The following AP3B1 variants were observed in gnomAD, a reference collection of about 807,000 sequenced individuals.
AP3B1 encodes the protein adaptor related protein complex 3 subunit beta 1, also known as AP-3 complex subunit beta-1.
In AP3B1, 61 loss-of-function variants were observed where a neutral mutation model predicts 132.5. The ratio of observed to expected loss-of-function variants is 0.46; its 90% CI spans 0.37 to 0.57. The LOEUF is 0.57. Ranked by LOEUF, AP3B1 falls within the 20% of genes least tolerant of loss-of-function variation. The pLI is 0.00. For synonymous variants in AP3B1, 388 were observed against 438.3 expected, an observed-to-expected ratio of 0.89 and a Z score of 1.43; for missense variants, 1,120 against 1,289.4, an observed-to-expected ratio of 0.87 and a Z score of 2.01.
rs1178456680 is a variant in AP3B1, at chr5:78,034,327, G to T, written c.2894+34C>A. On this transcript the variant is annotated intron_variant, in intron 24 of 26. Transcript: ENST00000255194. ...GTTTTTGATCTGCTATCCTTTACAG[G>T]TTATATAAAAAATAGAAGAACAATT... 5 of 1,506,602 alleles carry T rather than the reference G, an allele frequency of 3.3e-6. No homozygotes were observed. The South Asian group carries it at 3.4e-5, about 10-fold the overall frequency. 93.3% of individuals were successfully genotyped at this position (1,506,602 alleles called of 1,614,324 possible).
chr5:78,101,378 A>G (rs1172658802), intron 20 of AP3B1: 1 of 444,666 alleles, frequency 2.2e-6, no homozygotes, highest in Admixed American at 2.6e-5. Context: ...AATAACTTTT[A>G]AACAGGTTTA....
At chr5:78,289,297 T>C (rs1262586501) in intron 1 of AP3B1, among the ~76,000 whole-genome samples, 1 of 152,216 alleles carries the variant, frequency 6.6e-6, no homozygotes, top group Non-Finnish European at 1.5e-5. Context: ...AGGTTAAGAA[T>C]GAATGTAATA....
intron 13 of AP3B1, among the ~76,000 whole-genome samples, chr5:78,160,022 T>C (rs1743323054): frequency 6.6e-6 from 1 of 152,220 alleles, no homozygotes; most frequent in African/African-American, 2.4e-5. Flanking sequence ...TCAGGATAGC[T>C]GTAACATTCT....
intron 21 of AP3B1, among the ~76,000 whole-genome samples, chr5:78,095,535 T>A (rs1385801538): frequency 6.6e-6 from 1 of 152,184 alleles, no homozygotes; most frequent in African/African-American, 2.4e-5. Flanking sequence ...AGATCATGGT[T>A]CCTTCACAAG....
At chr5:78,123,602 C>T (rs1440105332) in intron 17 of AP3B1, among the ~76,000 whole-genome samples, 2 of 152,160 alleles carry the variant, frequency 1.3e-5, no homozygotes, top group Non-Finnish European at 2.9e-5. Flanking sequence ...AAAAAATGCT[C>T]GTCATCACTG....
rs1392110945 is a variant in AP3B1 at position 78,236,248 on chromosome 5, T to C, written c.279+4614A>G. ...ACAGTTCTGAAGGAACAATAATTGG[T>C]ATGGAATTTTCTGTTTACAACAAGA... On this transcript the variant is annotated intron_variant, in intron 3 of 26. Coordinates refer to ENST00000255194, the MANE Select transcript of AP3B1 (RefSeq NM_003664.5). Among the ~76,000 whole-genome samples the C allele has an allele frequency of 3.3e-5, 5 of 152,216 alleles. No homozygotes were observed. The East Asian group carries it at 7.7e-4, about 24-fold the overall frequency.
At chr5:78,266,424 A>G (rs938840428) in intron 2 of AP3B1, among the ~76,000 whole-genome samples, 1 of 152,160 alleles carries the variant, frequency 6.6e-6, no homozygotes, top group Non-Finnish European at 1.5e-5. Flanking sequence ...TACAGATACA[A>G]TTAGTACTTG....
intron 18 of AP3B1, among the ~76,000 whole-genome samples, chr5:78,114,255 C>T (rs184525917): frequency 7.9e-5 from 12 of 152,110 alleles, no homozygotes; most frequent in African/African-American, 2.2e-4. Flanking sequence ...TAAAGAATTA[C>T]GTAAGGATTG....
intron 17 of AP3B1, 59 bp from the exon 18 acceptor site, chr5:78,116,293 G>T: frequency 6.9e-7 from 1 of 1,444,820 alleles, no homozygotes; most frequent in Non-Finnish European, 9.7e-7. Flanking sequence ...TAGAGTTCTG[G>T]CAAACTTAAT....
At chr5:78,236,272 G>A (rs1012706220) in intron 3 of AP3B1, among the ~76,000 whole-genome samples, 2 of 151,968 alleles carry the variant, frequency 1.3e-5, no homozygotes, top group African/African-American at 4.8e-5. Flanking sequence ...TTTACAACAA[G>A]AACTAGAAGT....
At chr5:78,149,215 T>A (rs1753542650) in intron 14 of AP3B1, among the ~76,000 whole-genome samples, 1 of 152,128 alleles carries the variant, frequency 6.6e-6, no homozygotes, top group African/African-American at 2.4e-5. Flanking sequence ...TTAAATAAAG[T>A]GAAATTTTTA....
intron 24 of AP3B1, among the ~76,000 whole-genome samples, chr5:78,033,927 A>G (rs1747689058): frequency 6.6e-6 from 1 of 152,006 alleles, no homozygotes; most frequent in Non-Finnish European, 1.5e-5. Flanking sequence ...GATGGCATCA[A>G]TAATATTCCA....
At chr5:78,088,131 C>G (rs949984312) in intron 22 of AP3B1, among the ~76,000 whole-genome samples, 2 of 152,188 alleles carry the variant, frequency 1.3e-5, no homozygotes, top group Non-Finnish European at 2.9e-5. Context: ...ATTCAAGGAA[C>G]TAACTGCTTC....
Position 78,235,766 on chromosome 5 carries a change from T to C in AP3B1, c.279+5096A>G, listed in dbSNP as rs117487284. Among the ~76,000 whole-genome samples the C allele has an allele frequency of 1.3e-3, 196 of 152,370 alleles. 4 individuals are homozygous for C. In the East Asian group the frequency reaches 0.035, roughly 27 times the overall value. ...GAAGAACACAGACAGATCTGTTTAA[T>C]TAGCTTATCAATACTAGTACATCAA... On this transcript the variant is annotated intron_variant, in intron 3 of 26. Transcript: ENST00000255194.
intron 22 of AP3B1, among the ~76,000 whole-genome samples, chr5:78,081,244 A>G (rs1478269844): frequency 1.3e-4 from 19 of 151,476 alleles, no homozygotes; most frequent in Admixed American, 1.1e-3. Flanking sequence ...GAAGAGACAT[A>G]CTTGGATGCA....
chr5:78,086,043 C>A (rs181965769), intron 22 of AP3B1, among the ~76,000 whole-genome samples: 221 of 152,238 alleles, frequency 1.5e-3, no homozygotes, highest in African/African-American at 4.9e-3. Flanking sequence ...TGTCATCTTT[C>A]CCCACCTTCT....
chr5:78,065,111 A>AC (rs527406621), intron 22 of AP3B1, among the ~76,000 whole-genome samples: 435 of 152,086 alleles, frequency 2.9e-3, no homozygotes, highest in African/African-American at 0.01. Context: ...AGGAGCTTCC[A>AC]CCCCCAGCCA....
chr5:78,147,076 A>G (rs4416588), intron 14 of AP3B1, among the ~76,000 whole-genome samples: 150,603 of 152,116 alleles, frequency 0.99, 74,556 homozygotes, highest in East Asian at 1. Context: ...TGTCTACTAG[A>G]AATATCTAAT....
At chr5:78,097,661 G>T (rs1470943987) in intron 21 of AP3B1, among the ~76,000 whole-genome samples, 1 of 149,180 alleles carries the variant, frequency 6.7e-6, no homozygotes, top group African/African-American at 2.5e-5. Flanking sequence ...AGGTGGGGGG[G>T]TCAGCCCCCC....
Sources: allele counts gnomAD v4.1 joint callset (sites outside exome capture counted in the v4.1 genomes callset), GRCh38; gene constraint gnomAD v4.1.1; transcripts MANE v1.5; gene names NCBI Gene and HGNC (gene_info 2026-07-23, HGNC 2026-07-21).